ABLIM1: variants seen among roughly 807,000 people sequenced by gnomAD.
The protein encoded by ABLIM1 is actin-binding LIM protein 1.
ABLIM1 carries 40 observed loss-of-function variants against 107.0 expected under a neutral mutation model. That is an observed-to-expected ratio of 0.37 (90% confidence interval 0.29 to 0.49). ABLIM1 has a LOEUF of 0.49. ABLIM1 is among the 20% of genes least tolerant of loss of function. The pLI is 0.97. For missense variants in ABLIM1, 857 were observed against 1,008.5 expected, an observed-to-expected ratio of 0.85 and a Z score of 2.04; for synonymous variants, 357 against 357.3, an observed-to-expected ratio of 1.00 and a Z score of 0.01.
chr10:114,487,303 A>G (rs1457839576), intron 8 of ABLIM1, among the ~76,000 whole-genome samples: 1 of 152,218 alleles, frequency 6.6e-6, no homozygotes, highest in Non-Finnish European at 1.5e-5. Context: ...ATTCAGTCTG[A>G]TTATTGCACT....
intron 1 of ABLIM1, among the ~76,000 whole-genome samples, chr10:114,746,145 G>A (rs1042977852): frequency 1.3e-5 from 2 of 152,092 alleles, no homozygotes; most frequent in African/African-American, 2.4e-5. Context: ...GAAATGTACA[G>A]AACTCAATTA....
chr10:114,758,896 A>T (rs1002001429), intron 1 of ABLIM1, among the ~76,000 whole-genome samples: 7 of 152,232 alleles, frequency 4.6e-5, no homozygotes, highest in Admixed American at 3.9e-4. Context: ...AAAAGTAATA[A>T]TGTTAAAGAG....
chr10:114,491,846 T>C lies in ABLIM1; in HGVS notation c.927A>G (p.Ala309=), dbSNP rs1402675072. 6.2e-7 allele frequency: 1 copy of C among 1,612,086 alleles called. No individual in the cohort carries two copies. The highest frequency in any genetic ancestry group is 2.2e-5 in the East Asian group (1 of 44,846). The change falls in exon 7 of 23, where the codon GCA becomes GCG. Residue 309 remains alanine (A), a synonymous_variant. Transcript: ENST00000533213. The part of the protein sequence containing the change: ...AGDKHYHPSC[A]RCSRCNQMFT... ...ACATCTGGTTGCATCTGCTGCATCG[T>C]GCACAGCTGGGGTGGTAATGTTTGT...
At position 114,619,039 on chromosome 10, in the gene ABLIM1, G is replaced by A. The variant is rs1371516135; in HGVS notation, c.245-17078C>T. 6.6e-6 allele frequency among the ~76,000 whole-genome samples: 1 copy of A among 152,060 alleles called. No homozygotes were observed. The highest frequency in any genetic ancestry group is 1.5e-5 in the Non-Finnish European group (1 of 68,018). On this transcript the variant is annotated intron_variant, in intron 1 of 22. Transcript: ENST00000533213. The surrounding 1 kb of genome is among the most constrained non-coding windows in gnomAD (Gnocchi z 4.1). ...GGTGCTTTCAAGTCAAGATAGGGGTGATGACAGACATGCCCTGCACCCAAG... is the reference window on the plus strand; with the variant it reads ...GGTGCTTTCAAGTCAAGATAGGGGTAATGACAGACATGCCCTGCACCCAAG...
intron 12 of ABLIM1, among the ~76,000 whole-genome samples, chr10:114,460,553 A>T (rs1175517377): frequency 6.6e-6 from 1 of 152,192 alleles, no homozygotes; most frequent in East Asian, 1.9e-4. Context: ...GTGAGCTGAG[A>T]TTGTGCCACT....
At chr10:114,475,416 T>C (rs77224792) in intron 8 of ABLIM1, among the ~76,000 whole-genome samples, 5,027 of 151,072 alleles carry the variant, frequency 0.033, 254 homozygotes, top group African/African-American at 0.11. Context: ...TGTAATTATA[T>C]ATTTATTGTT....
At chr10:114,542,596 G>GGAAGAAGGAA (rs892826009) in intron 6 of ABLIM1, among the ~76,000 whole-genome samples, 1 of 150,896 alleles carries the variant, frequency 6.6e-6, no homozygotes, top group Non-Finnish European at 1.5e-5. Flanking sequence ...GGAGGAAGGA[G>GGAAGAAGGAA]GAAGAAGAAG....
chr10:114,710,995 T>C (rs960816769), intron 1 of ABLIM1, among the ~76,000 whole-genome samples: 6 of 152,164 alleles, frequency 3.9e-5, no homozygotes, highest in African/African-American at 1.4e-4. Flanking sequence ...TATAAGCTCA[T>C]GCCGGTTTAT....
intron 14 of ABLIM1, 99 bp from the exon 15 acceptor site, chr10:114,448,119 T>C: frequency 1.3e-6 from 2 of 1,505,922 alleles, no homozygotes; most frequent in Admixed American, 3.8e-5. Flanking sequence ...CTGGCAAAAG[T>C]TTCAGTTCCA....
At chr10:114,536,273 G>T (rs2066017358) in intron 6 of ABLIM1, among the ~76,000 whole-genome samples, 1 of 104,328 alleles carries the variant, frequency 9.6e-6, no homozygotes, top group Admixed American at 1.4e-4. Flanking sequence ...TTGAGATGGA[G>T]TCTCACTCTT....
At chr10:114,787,365 G>C in the ABLIM1 span, among the ~76,000 whole-genome samples, 2 of 151,734 alleles carry the variant, frequency 1.3e-5, no homozygotes, top group Non-Finnish European at 2.9e-5. Flanking sequence ...GAAGTGAGGA[G>C]CGTCTCCACC....
intron 1 of ABLIM1, among the ~76,000 whole-genome samples, chr10:114,730,778 C>T (rs903681070): frequency 2.0e-5 from 3 of 152,254 alleles, no homozygotes; most frequent in African/African-American, 7.2e-5. Flanking sequence ...TATTTCATCA[C>T]ACCAAAATAA....
intron 6 of ABLIM1, among the ~76,000 whole-genome samples, chr10:114,516,706 G>A (rs2062870418): frequency 6.6e-6 from 1 of 152,158 alleles, no homozygotes; most frequent in South Asian, 2.1e-4. Context: ...GGTTTTGTGA[G>A]CTTCACACTG....
chr10:114,698,625 AT>A (rs2081244305), intron 1 of ABLIM1, among the ~76,000 whole-genome samples: 2 of 152,178 alleles, frequency 1.3e-5, no homozygotes, highest in Admixed American at 6.5e-5. Flanking sequence ...CACTGGTGTA[AT>A]TTTAGAACTC....
At chr10:114,517,342 G>C (rs1441625443) in intron 6 of ABLIM1, among the ~76,000 whole-genome samples, 1 of 152,080 alleles carries the variant, frequency 6.6e-6, no homozygotes, top group Admixed American at 6.6e-5. Flanking sequence ...TGAAGATGAA[G>C]GCAGAGACTG....
At chr10:114,475,794 T>C (rs889951051) in intron 8 of ABLIM1, among the ~76,000 whole-genome samples, 2 of 152,200 alleles carry the variant, frequency 1.3e-5, no homozygotes, top group African/African-American at 4.8e-5. Context: ...AGCTGCCTCC[T>C]GCTTCTGTTT....
intron 1 of ABLIM1, among the ~76,000 whole-genome samples, chr10:114,704,271 G>GCTCT (rs1215619815): frequency 0.019 from 777 of 40,842 alleles, 46 homozygotes; most frequent in Non-Finnish European, 0.022. Context: ...TCTCTCTCTC[G>GCTCT]CTCTCTCTCT....
At chr10:114,751,934 G>C (rs2082522958) in intron 1 of ABLIM1, among the ~76,000 whole-genome samples, 1 of 152,050 alleles carries the variant, frequency 6.6e-6, no homozygotes, top group Non-Finnish European at 1.5e-5. Flanking sequence ...TAGTAAATCA[G>C]GAGTGCATTT....
At chr10:114,505,476 G>A (rs895639124) in intron 6 of ABLIM1, among the ~76,000 whole-genome samples, 2 of 152,140 alleles carry the variant, frequency 1.3e-5, no homozygotes, top group African/African-American at 4.8e-5. Flanking sequence ...CTGCTCTGAG[G>A]GAATCAGTTC....
Sources: allele counts gnomAD v4.1 joint callset (sites outside exome capture counted in the v4.1 genomes callset), GRCh38; gene constraint gnomAD v4.1.1; non-coding constraint Gnocchi (gnomAD v3.1); transcripts MANE v1.5; gene names NCBI Gene and HGNC (gene_info 2026-07-23, HGNC 2026-07-21).